The following SCAI variants were observed in gnomAD, a reference collection of about 807,000 sequenced individuals.
SCAI encodes the protein suppressor of cancer cell invasion, also known as protein SCAI.
Under a neutral mutation model 92.2 loss-of-function variants are expected in SCAI, and 24 were observed. The ratio of observed to expected loss-of-function variants is 0.26; its 90% CI spans 0.19 to 0.37. SCAI has a LOEUF of 0.37. Ranked by LOEUF, SCAI falls within the 10% of genes least tolerant of loss-of-function variation. The pLI is 1.00. For synonymous variants in SCAI, 261 were observed against 258.6 expected (o/e 1.01, Z -0.09); for missense variants, 450 against 736.2 (o/e 0.61, Z 4.50).
chr9:125,112,085 T>A (rs1834941461), intron 2 of SCAI, among the ~76,000 whole-genome samples: 2 of 152,294 alleles, frequency 1.3e-5, no homozygotes, highest in South Asian at 4.1e-4. Flanking sequence ...TAATAGTGCC[T>A]GTTCCCACCA....
At chr9:125,072,936 C>T (rs1834005758) in intron 2 of SCAI, among the ~76,000 whole-genome samples, 2 of 152,044 alleles carry the variant, frequency 1.3e-5, no homozygotes, top group South Asian at 4.2e-4. Context: ...CATTCATCCA[C>T]TGATGGACAC....
chr9:124,955,242 A>G (rs1170686454), intron 17 of SCAI, among the ~76,000 whole-genome samples: 2 of 151,950 alleles, frequency 1.3e-5, no homozygotes, highest in Non-Finnish European at 2.9e-5. Context: ...TTAAAACACT[A>G]TAATATATAT....
intron 2 of SCAI, among the ~76,000 whole-genome samples, chr9:125,126,250 G>A (rs1407176116): frequency 6.6e-6 from 1 of 152,178 alleles, no homozygotes; most frequent in Non-Finnish European, 1.5e-5. Flanking sequence ...AGCTGTTGTG[G>A]TTGCTGGCAG....
intron 2 of SCAI, among the ~76,000 whole-genome samples, chr9:125,130,150 C>T (rs1835368293): frequency 6.6e-6 from 1 of 152,128 alleles, no homozygotes. Flanking sequence ...CCGCCCGCCT[C>T]GGCCTTCCAA....
At chr9:124,966,128 G>C (rs1330859524) in intron 17 of SCAI, among the ~76,000 whole-genome samples, 8 of 152,088 alleles carry the variant, frequency 5.3e-5, no homozygotes, top group Admixed American at 5.2e-4. Context: ...GTGCACACGT[G>C]CAGGTTTGTT....
At chr9:125,123,754 G>GA (rs1564423255) in intron 2 of SCAI, among the ~76,000 whole-genome samples, 1 of 152,178 alleles carries the variant, frequency 6.6e-6, no homozygotes, top group East Asian at 1.9e-4. Flanking sequence ...CAGCCTGGGC[G>GA]AGAGTGAGAC....
rs2131558370 is a variant in SCAI at position 124,944,694 on chromosome 9, T to C, written c.*8113A>G. 6.6e-6 allele frequency: 1 copy of C among 152,232 alleles called. No individual in the cohort carries two copies. The highest frequency in any genetic ancestry group is 3.4e-3 in the Middle Eastern group (1 of 294). The allele number at this position is 152,232 out of a possible 1,614,324, so 9.4% of individuals were successfully genotyped here. On this transcript the variant is annotated 3_prime_UTR_variant, in exon 18 of 18. Coordinates refer to ENST00000336505, the MANE Select transcript of SCAI (RefSeq NM_001144877.3). ...GGAAATAAGCTTTTTAAAAATACAG[T>C]GGTTATCCCTCTATGGTTTGGAAGT...
At chr9:125,084,417 G>A (rs574432346) in intron 2 of SCAI, among the ~76,000 whole-genome samples, 71 of 151,904 alleles carry the variant, frequency 4.7e-4, no homozygotes, top group African/African-American at 1.5e-3. Context: ...TGATCTGCCC[G>A]CCTGGGCCTC....
chr9:125,013,953 G>T (rs1473822733), intron 9 of SCAI, among the ~76,000 whole-genome samples: 1 of 152,104 alleles, frequency 6.6e-6, no homozygotes, highest in East Asian at 1.9e-4. Context: ...AATAGATGCA[G>T]AAAAGGCCTT....
At chr9:125,143,345 CA>C in intron 1 of SCAI, 39 bp downstream of exon 1, 7 of 1,244,870 alleles carry the variant, frequency 5.6e-6, no homozygotes, top group Non-Finnish European at 6.2e-6. Context: ...CCCTGGCCCC[CA>C]CCCCATCCCC....
At chr9:124,977,344 G>A (rs1007206698) in intron 14 of SCAI, among the ~76,000 whole-genome samples, 4 of 152,120 alleles carry the variant, frequency 2.6e-5, no homozygotes, top group African/African-American at 9.7e-5. Context: ...CTGAAAAAGA[G>A]CAGAGGGGGA....
intron 2 of SCAI, among the ~76,000 whole-genome samples, chr9:125,120,966 A>T (rs187845247): frequency 6.6e-6 from 1 of 152,164 alleles, no homozygotes; most frequent in East Asian, 1.9e-4. Context: ...AACATGAGTA[A>T]TCTGCCACTA....
rs1327003962 is a variant in SCAI at position 125,000,005 on chromosome 9, G to A, written c.1145-15C>T. The A allele has an allele frequency of 7.6e-7, 1 of 1,317,012 alleles. No individual in the cohort carries two copies. Among genetic ancestry groups the A allele is most frequent in the Non-Finnish European group, 1.1e-6 (1 of 933,990 alleles). 81.6% of individuals were successfully genotyped at this position (1,317,012 alleles called of 1,614,324 possible). On this transcript the variant is annotated splice_polypyrimidine_tract_variant and intron_variant, in intron 12 of 17. Transcript: ENST00000336505. ...ATCATAAGGACCTATAAAAACAAAG[G>A]GAAGAATCCTAGACTTCAGTTGAAG...
intron 2 of SCAI, among the ~76,000 whole-genome samples, chr9:125,059,056 C>T (rs546432897): frequency 6.6e-6 from 1 of 152,262 alleles, no homozygotes; most frequent in Admixed American, 6.5e-5. Context: ...CAGAATACTT[C>T]CCCCATAAAC....
rs779341218 is a variant in SCAI at position 125,057,323 on chromosome 9, G to C, written c.99-1316C>G. ...AAGAAAAAGCAAGAGATAAGATAGAGAAATGAGGGAAATCAACTGCCACAC... is the reference window on the plus strand; with the variant it reads ...AAGAAAAAGCAAGAGATAAGATAGACAAATGAGGGAAATCAACTGCCACAC... On this transcript the variant is annotated intron_variant, in intron 2 of 17. Transcript: ENST00000336505. Among the ~76,000 whole-genome samples the C allele has an allele frequency of 7.9e-5, 12 of 152,246 alleles. No individual in the cohort carries two copies. The East Asian group carries it at 2.3e-3, about 29-fold the overall frequency.
chr9:125,066,900 A>T (rs1178540131), intron 2 of SCAI, among the ~76,000 whole-genome samples: 1 of 152,216 alleles, frequency 6.6e-6, no homozygotes, highest in Non-Finnish European at 1.5e-5. Flanking sequence ...TCAGTACAGT[A>T]CCATGCTGTA....
At chr9:125,106,466 T>C (rs1241607586) in intron 2 of SCAI, among the ~76,000 whole-genome samples, 1 of 151,854 alleles carries the variant, frequency 6.6e-6, no homozygotes, top group Non-Finnish European at 1.5e-5. Context: ...AATATTTCCT[T>C]TGGCAACAAA....
chr9:124,969,114 A>T (rs1333051661), intron 17 of SCAI, among the ~76,000 whole-genome samples: 1 of 152,006 alleles, frequency 6.6e-6, no homozygotes, highest in Non-Finnish European at 1.5e-5. Context: ...GGCTAATTTT[A>T]AAAATTTCTT....
At chr9:124,966,990 T>C (rs571242558) in intron 17 of SCAI, among the ~76,000 whole-genome samples, 1 of 151,792 alleles carries the variant, frequency 6.6e-6, no homozygotes, top group Admixed American at 6.6e-5. Flanking sequence ...TACATATTAA[T>C]ACAAACTTGT....
Sources: gnomAD v4.1 joint callset for allele counts (sites outside exome capture counted in the v4.1 genomes callset) on GRCh38, gnomAD v4.1.1 for gene constraint, MANE v1.5 for transcripts, NCBI Gene and HGNC (gene_info 2026-07-23, HGNC 2026-07-21) for gene names.